The following PACS1 variants were observed in gnomAD, a reference collection of about 807,000 sequenced individuals.
PACS1 encodes phosphofurin acidic cluster sorting protein 1, also known as PACS-1.
Under a neutral mutation model 115.0 loss-of-function variants are expected in PACS1, and 24 were observed. That is an observed-to-expected ratio of 0.21 (90% CI 0.15 to 0.29). The LOEUF is 0.29. PACS1 is among the 10% of genes least tolerant of loss of function. The pLI is 1.00. For missense variants in PACS1, 838 were observed against 1,251.2 expected (o/e 0.67, Z 4.98); for synonymous variants, 453 against 504.5 (o/e 0.90, Z 1.37).
chr11:66,231,512 TC>T (rs1320940769), intron 13 of PACS1, among the ~76,000 whole-genome samples: 1 of 152,200 alleles, frequency 6.6e-6, no homozygotes, highest in Non-Finnish European at 1.5e-5. Context: ...ACAGGGATTT[TC>T]CCGGCACACC....
At chr11:66,223,013 C>T (rs2134722609) in intron 10 of PACS1, among the ~76,000 whole-genome samples, 1 of 136,032 alleles carries the variant, frequency 7.4e-6, no homozygotes, top group Admixed American at 8.2e-5. Context: ...CGTTCCAGGC[C>T]GGGTTCATGG....
chr11:66,208,725 C>G (rs1005671206), intron 2 of PACS1, among the ~76,000 whole-genome samples: 5 of 150,346 alleles, frequency 3.3e-5, no homozygotes, highest in Admixed American at 6.6e-5. Flanking sequence ...AAAATCATTC[C>G]CTCCAAGTTC....
intron 1 of PACS1, among the ~76,000 whole-genome samples, chr11:66,170,604 A>G (rs1419129490): frequency 1.3e-5 from 2 of 149,928 alleles, no homozygotes; most frequent in Non-Finnish European, 2.9e-5. Context: ...CATTTTAATG[A>G]GAAAAAGTAG....
chr11:66,177,001 C>G (rs767302253), intron 1 of PACS1, among the ~76,000 whole-genome samples: 1 of 152,108 alleles, frequency 6.6e-6, no homozygotes, highest in African/African-American at 2.4e-5. Flanking sequence ...GGTCAGGGAT[C>G]GTTCTTGATT....
intron 7 of PACS1, among the ~76,000 whole-genome samples, chr11:66,219,354 G>A (rs534582908): frequency 7.9e-5 from 12 of 151,902 alleles, no homozygotes; most frequent in South Asian, 4.2e-4. Context: ...AGGAGAAGAC[G>A]GGACGCTGCG....
chr11:66,158,722 C>T (rs1255258643), intron 1 of PACS1, among the ~76,000 whole-genome samples: 1 of 152,018 alleles, frequency 6.6e-6, no homozygotes, highest in African/African-American at 2.4e-5. Flanking sequence ...AGATAATAGA[C>T]AATAAGTGGA....
At chr11:66,110,124 A>G (rs1202369286) in intron 1 of PACS1, among the ~76,000 whole-genome samples, 1 of 152,156 alleles carries the variant, frequency 6.6e-6, no homozygotes, top group Non-Finnish European at 1.5e-5. Flanking sequence ...TTATGAGAGT[A>G]TAATTGACTT....
chr11:66,070,414 C>G lies in PACS1; in HGVS notation c.-73C>G. 1.0e-6 allele frequency: 1 copy of G among 998,080 alleles called. No individual in the cohort carries two copies. The highest frequency in any genetic ancestry group is 1.3e-6 in the Non-Finnish European group (1 of 785,560). 61.8% of individuals were successfully genotyped at this position (998,080 alleles called of 1,614,324 possible). ...TGAGGAGGCTGCCGCGCCCCCGCCG[C>G]CGCCGCCGCGGGGGAAGCCTGGGAG... On this transcript the variant is annotated 5_prime_UTR_variant, in exon 1 of 24. Coordinates refer to ENST00000320580, the MANE Select transcript of PACS1 (RefSeq NM_018026.4). The surrounding 1 kb of genome is among the most constrained non-coding windows in gnomAD (Gnocchi z 5.9).
intron 10 of PACS1, among the ~76,000 whole-genome samples, chr11:66,223,818 C>CTT (rs1478634223): frequency 2.0e-5 from 3 of 152,162 alleles, no homozygotes; most frequent in Non-Finnish European, 4.4e-5. Context: ...ACTTATAAAA[C>CTT]TTACAGAAAA....
intron 1 of PACS1, among the ~76,000 whole-genome samples, chr11:66,075,364 C>A (rs1857376780): frequency 6.6e-6 from 1 of 152,080 alleles, no homozygotes; most frequent in Non-Finnish European, 1.5e-5. Flanking sequence ...CCTCAGCCTC[C>A]TGAGTAGCTG....
chr11:66,135,513 T>G (rs1223117726), intron 1 of PACS1, among the ~76,000 whole-genome samples: 1 of 152,174 alleles, frequency 6.6e-6, no homozygotes, highest in Non-Finnish European at 1.5e-5. Context: ...CATTTTAACT[T>G]TAGTTGATAA....
chr11:66,229,212 A>C lies in PACS1; in HGVS notation c.1375-1336A>C, dbSNP rs1219809505. 2.2e-4 allele frequency among the ~76,000 whole-genome samples: 12 copies of C among 54,338 alleles called. No individual in the cohort carries two copies. The East Asian group carries it at 4.1e-3, about 19-fold the overall frequency. 35.6% of individuals were successfully genotyped at this position (54,338 alleles called of 152,430 possible). A position where few individuals can be genotyped will look rare whatever the true frequency, so the allele number is the denominator to read the frequency against. Reference sequence around the variant, plus strand: ...GCAACATGGAAAAACCCGTCTCTACAAAAAAAAAAAAAAAAAAAAAATAGT... The same window carrying C: ...GCAACATGGAAAAACCCGTCTCTACCAAAAAAAAAAAAAAAAAAAAATAGT... On this transcript the variant is annotated intron_variant, in intron 11 of 23. Coordinates refer to ENST00000320580, the MANE Select transcript of PACS1 (RefSeq NM_018026.4).
At chr11:66,090,836 C>T (rs560867021) in intron 1 of PACS1, among the ~76,000 whole-genome samples, 22 of 152,182 alleles carry the variant, frequency 1.4e-4, no homozygotes, top group African/African-American at 5.1e-4. Context: ...TATAAATGCA[C>T]GATAACCCTG....
intron 1 of PACS1, among the ~76,000 whole-genome samples, chr11:66,133,329 C>T (rs1858745501): frequency 6.6e-6 from 1 of 152,212 alleles, no homozygotes; most frequent in Admixed American, 6.5e-5. Context: ...TCTGGCTAGC[C>T]ATATGCTGCC....
At chr11:66,160,144 C>T (rs1040981799) in intron 1 of PACS1, among the ~76,000 whole-genome samples, 6 of 152,104 alleles carry the variant, frequency 3.9e-5, no homozygotes, top group East Asian at 3.8e-4. Flanking sequence ...AACACATTAG[C>T]GCAATGTGAC....
intron 4 of PACS1, among the ~76,000 whole-genome samples, chr11:66,215,073 C>T (rs1173471862): frequency 1.3e-5 from 2 of 151,974 alleles, no homozygotes; most frequent in African/African-American, 4.8e-5. Flanking sequence ...GCTGGGACTA[C>T]AGGCGCCCAC....
At chr11:66,225,266 G>C (rs972892844) in intron 10 of PACS1, among the ~76,000 whole-genome samples, 1 of 152,230 alleles carries the variant, frequency 6.6e-6, no homozygotes, top group Non-Finnish European at 1.5e-5. Flanking sequence ...GCACAGTGGT[G>C]CAGACTTCTG....
chr11:66,123,950 T>C (rs1008716790), intron 1 of PACS1, among the ~76,000 whole-genome samples: 6 of 152,194 alleles, frequency 3.9e-5, no homozygotes, highest in Non-Finnish European at 7.3e-5. Flanking sequence ...GTCACTTGCG[T>C]TATTGCAGTG....
chr11:66,223,012 C>A (rs967876010), intron 10 of PACS1, among the ~76,000 whole-genome samples: 1 of 138,680 alleles, frequency 7.2e-6, no homozygotes, highest in Non-Finnish European at 1.5e-5. Flanking sequence ...CCGTTCCAGG[C>A]CGGGTTCATG....
Sources: allele counts gnomAD v4.1 joint callset (sites outside exome capture counted in the v4.1 genomes callset), GRCh38; gene constraint gnomAD v4.1.1; non-coding constraint Gnocchi (gnomAD v3.1); transcripts MANE v1.5; gene names NCBI Gene and HGNC (gene_info 2026-07-23, HGNC 2026-07-21).